The following CA10 variants were observed in gnomAD, a reference collection of about 807,000 sequenced individuals.
CA10 encodes the protein carbonic anhydrase-related protein 10.
Under a neutral mutation model 44.2 loss-of-function variants are expected in CA10, and 14 were observed. The observed-to-expected ratio is 0.32, with a 90% confidence interval of 0.21 to 0.50. The LOEUF (loss-of-function observed/expected upper bound fraction) is 0.50. Ranked by LOEUF, CA10 falls within the 20% of genes least tolerant of loss-of-function variation. CA10 has a pLI of 0.99. For synonymous variants in CA10, 159 were observed against 141.6 expected (o/e 1.12, Z -0.87); for missense variants, 350 against 409.7 (o/e 0.85, Z 1.26).
At chr17:52,021,528 T>C (rs1167663227) in intron 2 of CA10, among the ~76,000 whole-genome samples, 2 of 152,108 alleles carry the variant, frequency 1.3e-5, no homozygotes, top group Non-Finnish European at 2.9e-5. Context: ...CATTGTAACT[T>C]TGATTTGCAT....
chr17:51,955,480 C>T (rs1053752048), intron 2 of CA10, among the ~76,000 whole-genome samples: 1 of 152,144 alleles, frequency 6.6e-6, no homozygotes, highest in Non-Finnish European at 1.5e-5. Flanking sequence ...TGGCAACTTG[C>T]CACTCCTCAA....
chr17:51,731,826 C>T (rs745913333), intron 4 of CA10, among the ~76,000 whole-genome samples: 25 of 152,002 alleles, frequency 1.6e-4, no homozygotes, highest in Middle Eastern at 6.8e-3. Flanking sequence ...TACAGACACC[C>T]ACCACCACAC....
chr17:51,640,092 A>G (rs1043076930), intron 6 of CA10, among the ~76,000 whole-genome samples: 1 of 152,112 alleles, frequency 6.6e-6, no homozygotes, highest in Admixed American at 6.5e-5. Flanking sequence ...TTATTTGCCT[A>G]TTTGACTGTC....
intron 4 of CA10, among the ~76,000 whole-genome samples, chr17:51,717,119 G>A (rs577553649): frequency 6.6e-6 from 1 of 152,154 alleles, no homozygotes; most frequent in South Asian, 2.1e-4. Flanking sequence ...GGAGTGCTAG[G>A]GGAATTTTTT....
chr17:51,766,848 A>G (rs1488007878), intron 3 of CA10, among the ~76,000 whole-genome samples: 1 of 152,230 alleles, frequency 6.6e-6, no homozygotes, highest in Non-Finnish European at 1.5e-5. Flanking sequence ...TATGTTAATT[A>G]GGAAGTGTTT....
chr17:51,709,719 T>G (rs1598000231), intron 4 of CA10, among the ~76,000 whole-genome samples: 1 of 152,228 alleles, frequency 6.6e-6, no homozygotes, highest in South Asian at 2.1e-4. Context: ...AGAAAGAAGG[T>G]AGGTATGACT....
At chr17:51,734,661 C>G (rs116543146) in intron 4 of CA10, among the ~76,000 whole-genome samples, 295 of 152,212 alleles carry the variant, frequency 1.9e-3, no homozygotes, top group African/African-American at 6.2e-3. Context: ...GGAAGGGCAC[C>G]ACCTGGAGGC....
At chr17:51,883,084 T>A (rs1244278570) in intron 3 of CA10, among the ~76,000 whole-genome samples, 1 of 152,188 alleles carries the variant, frequency 6.6e-6, no homozygotes, top group Non-Finnish European at 1.5e-5. Flanking sequence ...CAGGAAGTAA[T>A]GGGAGTGAAA....
At chr17:52,064,286 G>A (rs1404574844) in intron 2 of CA10, among the ~76,000 whole-genome samples, 1 of 152,186 alleles carries the variant, frequency 6.6e-6, no homozygotes, top group East Asian at 1.9e-4. Flanking sequence ...GGACTCAGTA[G>A]AGGATCCATT....
chr17:51,659,018 A>C (rs1913902472), intron 4 of CA10, among the ~76,000 whole-genome samples: 1 of 152,096 alleles, frequency 6.6e-6, no homozygotes, highest in Non-Finnish European at 1.5e-5. Context: ...GTGATGGTTA[A>C]TTTTATATGG....
At chr17:51,881,660 A>C (rs1732271019) in intron 3 of CA10, among the ~76,000 whole-genome samples, 1 of 152,248 alleles carries the variant, frequency 6.6e-6, no homozygotes, top group African/African-American at 2.4e-5. Flanking sequence ...CAAACATATG[A>C]AAAGGTGATG....
chr17:52,021,626 G>T (rs1183726069), intron 2 of CA10, among the ~76,000 whole-genome samples: 4 of 151,794 alleles, frequency 2.6e-5, no homozygotes, highest in African/African-American at 9.7e-5. Flanking sequence ...TTTATTTTTT[G>T]TAAGGATAAA....
chr17:51,749,250 G>C (rs564331272), intron 3 of CA10, among the ~76,000 whole-genome samples: 13 of 152,350 alleles, frequency 8.5e-5, no homozygotes, highest in Admixed American at 4.6e-4. Context: ...CTAGATAAGA[G>C]GCTATTTCTC....
chr17:51,853,440 C>G (rs1978891066), intron 3 of CA10, among the ~76,000 whole-genome samples: 1 of 152,190 alleles, frequency 6.6e-6, no homozygotes, highest in African/African-American at 2.4e-5. Flanking sequence ...ATTAGAATGT[C>G]TGTCCCAGTG....
intron 3 of CA10, among the ~76,000 whole-genome samples, chr17:51,925,023 C>T (rs1328622065): frequency 6.6e-6 from 1 of 152,094 alleles, no homozygotes; most frequent in Non-Finnish European, 1.5e-5. Flanking sequence ...CTGCTGATGG[C>T]CAGCTTCTTC....
rs190371710 is a variant in CA10, at chr17:51,789,530, G to A, written c.280-41712C>T. Among the ~76,000 whole-genome samples, 64 of 152,274 alleles carry A rather than the reference G, an allele frequency of 4.2e-4. No homozygotes were observed. The East Asian group carries it at 0.011, about 26-fold the overall frequency. Reference sequence around the variant, plus strand: ...CTTTGCATGCAACACTCTAGCACATGCTGCATGGTTTACAGCTCCCTGAGC... The same window carrying A: ...CTTTGCATGCAACACTCTAGCACATACTGCATGGTTTACAGCTCCCTGAGC... On this transcript the variant is annotated intron_variant, in intron 3 of 8. Transcript: ENST00000451037.
intron 3 of CA10, among the ~76,000 whole-genome samples, chr17:51,877,844 T>C (rs1268055389): frequency 6.6e-6 from 1 of 152,020 alleles, no homozygotes; most frequent in Admixed American, 6.6e-5. Context: ...TAAAGAGGTA[T>C]AAAAACACAG....
At chr17:51,686,728 C>A (rs1406941534) in intron 4 of CA10, among the ~76,000 whole-genome samples, 1 of 152,034 alleles carries the variant, frequency 6.6e-6, no homozygotes, top group African/African-American at 2.4e-5. Flanking sequence ...GTAATATGAC[C>A]AAATAAACTT....
chr17:52,108,197 TATATATATA>T (rs1988706756), intron 1 of CA10, among the ~76,000 whole-genome samples: 1 of 19,444 alleles, frequency 5.1e-5, no homozygotes, highest in African/African-American at 2.3e-3. Flanking sequence ...ATATTTTTTA[TATATATATA>T]TATATATATA....
Sources: allele counts gnomAD v4.1 joint callset (sites outside exome capture counted in the v4.1 genomes callset), GRCh38; gene constraint gnomAD v4.1.1; transcripts MANE v1.5; gene names NCBI Gene and HGNC (gene_info 2026-07-23, HGNC 2026-07-21).